The following ROR1 variants were observed in gnomAD, a reference collection of about 807,000 sequenced individuals.
The protein encoded by ROR1 is inactive tyrosine-protein kinase transmembrane receptor ROR1.
Under a neutral mutation model 78.8 loss-of-function variants are expected in ROR1, and 19 were observed. That is an observed-to-expected ratio of 0.24 (90% confidence interval 0.17 to 0.35). The LOEUF is 0.35. ROR1 is among the 10% of genes least tolerant of loss of function. The probability of loss-of-function intolerance (pLI) is 1.00; values close to 1 mark genes in which losing one functional copy is unlikely to be tolerated. For synonymous variants in ROR1, 386 were observed against 433.6 expected (o/e 0.89, Z 1.36); for missense variants, 917 against 1,177.8 (o/e 0.78, Z 3.24).
At chr1:63,997,284 A>G (rs1436290013) in intron 1 of ROR1, among the ~76,000 whole-genome samples, 1 of 152,248 alleles carries the variant, frequency 6.6e-6, no homozygotes, top group Non-Finnish European at 1.5e-5. Flanking sequence ...AAATAGAGAA[A>G]GGCTAAGACA....
rs950424498 is a variant in ROR1, at chr1:64,180,972, C to T, written c.*2117C>T. On this transcript the variant is annotated 3_prime_UTR_variant, in exon 9 of 9. Coordinates refer to ENST00000371079, the MANE Select transcript of ROR1 (RefSeq NM_005012.4). ...AAAGTGAGCAAATGAAATTTCAAAA[C>T]CACTTGTAATAATGTATTTTATAAT... 1.3e-5 allele frequency: 2 copies of T among 152,052 alleles called. No homozygotes were observed. Among genetic ancestry groups the T allele is most frequent in the African/African-American group, 4.8e-5 (2 of 41,422 alleles). The allele number at this position is 152,052 out of a possible 1,614,324, so 9.4% of individuals were successfully genotyped here.
chr1:64,118,937 ATGT>A (rs764169550), intron 4 of ROR1, among the ~76,000 whole-genome samples: 43 of 152,194 alleles, frequency 2.8e-4, no homozygotes, highest in Admixed American at 1.3e-4. Flanking sequence ...TGGACCATAA[ATGT>A]TGTCATGGTT....
intron 1 of ROR1, among the ~76,000 whole-genome samples, chr1:63,845,641 T>A (rs1435267472): frequency 6.6e-6 from 1 of 152,202 alleles, no homozygotes; most frequent in Non-Finnish European, 1.5e-5. Context: ...TGTTTTGCCT[T>A]GTTTGCCACT....
intron 4 of ROR1, among the ~76,000 whole-genome samples, chr1:64,064,178 C>T (rs72685133): frequency 0.16 from 23,718 of 152,132 alleles, 2,781 homozygotes; most frequent in African/African-American, 0.33. Flanking sequence ...GCAGCATCAG[C>T]AACAGACAGA....
chr1:64,040,786 G>T (rs1420124151), intron 2 of ROR1, among the ~76,000 whole-genome samples: 3 of 152,044 alleles, frequency 2.0e-5, no homozygotes, highest in Non-Finnish European at 4.4e-5. Flanking sequence ...ACTTCCCAAG[G>T]CCCCACCTCT....
At chr1:63,784,219 C>G (rs986981038) in intron 1 of ROR1, among the ~76,000 whole-genome samples, 3 of 152,092 alleles carry the variant, frequency 2.0e-5, no homozygotes, top group Admixed American at 6.5e-5. Flanking sequence ...TTATTTCTCT[C>G]TTCCTTTTAA....
intron 1 of ROR1, among the ~76,000 whole-genome samples, chr1:63,905,975 A>C (rs899154221): frequency 6.6e-6 from 1 of 152,210 alleles, no homozygotes; most frequent in African/African-American, 2.4e-5. Flanking sequence ...ATTATTACTG[A>C]TAATTAGCTA....
At chr1:63,787,703 A>G (rs771198641) in intron 1 of ROR1, among the ~76,000 whole-genome samples, 31 of 151,954 alleles carry the variant, frequency 2.0e-4, no homozygotes, top group South Asian at 4.2e-4. Context: ...ATTTTTGTAT[A>G]TTTAGTAGAG....
At position 63,822,496 on chromosome 1, in the gene ROR1, A is replaced by G. The variant is rs141885445; in HGVS notation, c.91+47988A>G. 2.9e-3 allele frequency among the ~76,000 whole-genome samples: 447 copies of G among 152,350 alleles called. 1 individual carries two copies. The highest frequency in any genetic ancestry group is 0.01 in the African/African-American group (432 of 41,588). Reference sequence around the variant, plus strand: ...TTGTTGTAGAAAATGAGAAAAGAGCAAAGATGTAAAAAGAAAAATAATTGA... The same window carrying G: ...TTGTTGTAGAAAATGAGAAAAGAGCGAAGATGTAAAAAGAAAAATAATTGA... On this transcript the variant is annotated intron_variant, in intron 1 of 8. Transcript: ENST00000371079.
At chr1:64,173,894 A>G (rs531965586) in intron 8 of ROR1, among the ~76,000 whole-genome samples, 1 of 152,102 alleles carries the variant, frequency 6.6e-6, no homozygotes, top group South Asian at 2.1e-4. Context: ...ACCTTCATTC[A>G]CATCTCAGAG....
intron 1 of ROR1, among the ~76,000 whole-genome samples, chr1:63,944,575 G>A (rs1335620191): frequency 2.0e-5 from 3 of 152,142 alleles, no homozygotes; most frequent in Non-Finnish European, 4.4e-5. Context: ...CGTTATTCCA[G>A]TAAGGAGGAA....
chr1:63,911,758 A>G (rs1645571952), intron 1 of ROR1, among the ~76,000 whole-genome samples: 1 of 152,196 alleles, frequency 6.6e-6, no homozygotes, highest in Non-Finnish European at 1.5e-5. Flanking sequence ...AAGAAACAAA[A>G]AACTGAAGGA....
chr1:64,110,154 C>G (rs1288352878), intron 4 of ROR1, among the ~76,000 whole-genome samples: 2 of 152,152 alleles, frequency 1.3e-5, no homozygotes, highest in Non-Finnish European at 2.9e-5. Flanking sequence ...AGTTGATGAA[C>G]AAGTGCAGTT....
intron 1 of ROR1, among the ~76,000 whole-genome samples, chr1:63,791,566 G>T (rs1409016872): frequency 6.6e-6 from 1 of 152,024 alleles, no homozygotes; most frequent in Non-Finnish European, 1.5e-5. Flanking sequence ...AACCTCAGCT[G>T]CTCCACCAGA....
intron 7 of ROR1, among the ~76,000 whole-genome samples, chr1:64,156,327 TTCTG>T (rs543858876): frequency 1.1e-3 from 170 of 152,340 alleles, no homozygotes; most frequent in African/African-American, 3.9e-3. Flanking sequence ...GGTGATTCCT[TTCTG>T]TCTATCTATA....
chr1:63,850,648 T>A (rs959846295), intron 1 of ROR1, among the ~76,000 whole-genome samples: 7 of 152,230 alleles, frequency 4.6e-5, no homozygotes, highest in Admixed American at 6.5e-5. Context: ...TTTTTTTTCC[T>A]TTTCCTCCTG....
In ROR1 at chr1:64,016,733, T is replaced by TTTTATATATATATATATATATA. The variant is rs1553151714; in HGVS notation, c.163+7358_163+7359insTTATATATATATATATATATAT. ...ATGTACCCTAGAACTTAAAATATAATTATATATATATATATAAAGATTTTA... is the reference window on the plus strand; with the variant it reads ...ATGTACCCTAGAACTTAAAATATAATTTTATATATATATATATATATATATATATATATATATAAAGATTTTA... On this transcript the variant is annotated intron_variant, in intron 2 of 8. Transcript: ENST00000371079. Among the ~76,000 whole-genome samples the TTTTATATATATATATATATATA allele has an allele frequency of 4.0e-3, 565 of 140,566 alleles. 7 individuals carry two copies. Among genetic ancestry groups the TTTTATATATATATATATATATA allele is most frequent in the African/African-American group, 0.014 (540 of 38,640 alleles). The allele number at this position is 140,566 out of a possible 152,430, so 92.2% of individuals were successfully genotyped here. A position where few individuals can be genotyped will look rare whatever the true frequency, so the allele number is the denominator to read the frequency against.
intron 1 of ROR1, among the ~76,000 whole-genome samples, chr1:63,981,158 T>A (rs1424667311): frequency 6.6e-6 from 1 of 152,126 alleles, no homozygotes; most frequent in Non-Finnish European, 1.5e-5. Flanking sequence ...CTGTAGGAGG[T>A]ACAGTGCTTG....
chr1:64,083,457 A>G (rs74078046), intron 4 of ROR1, among the ~76,000 whole-genome samples: 22,634 of 152,002 alleles, frequency 0.15, 1,767 homozygotes, highest in Middle Eastern at 0.2. Context: ...TAGACCTCAC[A>G]TTGAAAATGT....
Sources: gnomAD v4.1 joint callset for allele counts (sites outside exome capture counted in the v4.1 genomes callset) on GRCh38, gnomAD v4.1.1 for gene constraint, MANE v1.5 for transcripts, NCBI Gene and HGNC (gene_info 2026-07-23, HGNC 2026-07-21) for gene names.